The following ABR variants were observed in gnomAD, a reference collection of about 807,000 sequenced individuals.
ABR encodes active breakpoint cluster region-related protein.
ABR carries 35 observed loss-of-function variants against 107.2 expected under a neutral mutation model. The ratio of observed to expected loss-of-function variants is 0.33; its 90% CI spans 0.25 to 0.43. The LOEUF is 0.43. Ranked by LOEUF, ABR falls within the 20% of genes least tolerant of loss-of-function variation. ABR has a pLI of 1.00. For synonymous variants in ABR, 498 were observed against 462.0 expected (o/e 1.08, Z -1.00); for missense variants, 815 against 1,115.2 (o/e 0.73, Z 3.83).
At chr17:1,012,514 T>G (rs765657260) in intron 18 of ABR, 174 bp downstream of exon 18, 4 of 702,742 alleles carry the variant, frequency 5.7e-6, no homozygotes, top group South Asian at 4.5e-5. Context: ...TTCTGAAGTG[T>G]CCTGTGAGCG....
chr17:1,203,178 G>A (rs992262701), intron 1 of ABR, among the ~76,000 whole-genome samples: 4 of 152,082 alleles, frequency 2.6e-5, no homozygotes, highest in Non-Finnish European at 5.9e-5. Context: ...GAGCCATCGC[G>A]CCCAGCCCCA....
At chr17:1,184,387 G>A (rs2042227964), upstream of ABR, among the ~76,000 whole-genome samples, 1 of 148,288 alleles carries the variant, frequency 6.7e-6, no homozygotes, top group African/African-American at 2.5e-5. Flanking sequence ...CCTGGGAGGT[G>A]GAGCTTGCAG....
chr17:1,057,227 G>C (rs1037041861), intron 12 of ABR, 125 bp from the exon 13 acceptor site: 7 of 640,042 alleles, frequency 1.1e-5, no homozygotes, highest in South Asian at 1.0e-4. Context: ...TTGCGAGGGA[G>C]GGGGAAGGAT....
intron 4 of ABR, chr17:1,083,868 C>A (rs560464396): frequency 2.1e-6 from 1 of 474,416 alleles, no homozygotes; most frequent in African/African-American, 2.0e-5. Flanking sequence ...TTGGGGAGAC[C>A]AGGCTAGGGC....
At position 1,078,484 on chromosome 17, in the gene ABR, C is replaced by T. The variant is rs908577059; in HGVS notation, c.700+846G>A. Among the ~76,000 whole-genome samples the T allele has an allele frequency of 6.6e-6, 1 of 152,124 alleles. No homozygotes were observed. Among genetic ancestry groups the T allele is most frequent in the African/African-American group, 2.4e-5 (1 of 41,436 alleles). ...CCTCTCCCTGGCCTCAGGGCTACTA[C>T]GTCTGCGGGCACAGCTCGTCGCCGT... On this transcript the variant is annotated intron_variant, in intron 6 of 22. Coordinates refer to ENST00000302538, the MANE Select transcript of ABR (RefSeq NM_021962.5). The surrounding 1 kb of genome is among the most constrained non-coding windows in gnomAD (Gnocchi z 7.5).
intron 16 of ABR, among the ~76,000 whole-genome samples, chr17:1,041,239 C>A (rs920311990): frequency 6.6e-6 from 1 of 152,070 alleles, no homozygotes; most frequent in African/African-American, 2.4e-5. Flanking sequence ...GTTTTCTTTA[C>A]CAGACGGTGA....
intron 1 of ABR, among the ~76,000 whole-genome samples, chr17:1,147,058 T>C (rs144053597): frequency 1.8e-3 from 269 of 152,396 alleles, no homozygotes; most frequent in Middle Eastern, 3.4e-3. Context: ...CCGTACTGTC[T>C]GGCCACTTGG....
rs760780819 is a variant in ABR, at chr17:1,073,691, CA to C, written c.701-15del. 3 of 1,599,294 alleles carry C rather than the reference CA, an allele frequency of 1.9e-6. No homozygotes were observed. Among genetic ancestry groups the C allele is most frequent in the Non-Finnish European group, 2.6e-6 (3 of 1,171,148 alleles). ...TGTAGAGCAGAGCTGTCGGGGGAGA[CA>C]GGGAGAAGGAGGAAGAGGATGATGG... On this transcript the variant is annotated splice_polypyrimidine_tract_variant and intron_variant, in intron 6 of 22. Coordinates refer to ENST00000302538, the MANE Select transcript of ABR (RefSeq NM_021962.5).
At chr17:1,181,975 G>C (rs1003860003), upstream of ABR, 2 of 152,224 alleles carry the variant, frequency 1.3e-5, no homozygotes, top group African/African-American at 2.4e-5. Context: ...ATCTACAAAG[G>C]CTTGAACAAG....
At chr17:1,166,837 T>C (rs1451240005) in intron 1 of ABR, among the ~76,000 whole-genome samples, 1 of 152,066 alleles carries the variant, frequency 6.6e-6, no homozygotes, top group African/African-American at 2.4e-5. Flanking sequence ...CTGTCTCTAC[T>C]AAAAATACAG....
At position 1,174,670 on chromosome 17, in the gene ABR, G is replaced by A. The variant is rs187472550; in HGVS notation, c.61+4997C>T. 2.6e-4 allele frequency among the ~76,000 whole-genome samples: 40 copies of A among 152,326 alleles called. 1 individual carries two copies. The highest frequency in any genetic ancestry group is 8.9e-4 in the African/African-American group (37 of 41,582). ...AAGCAGGCTCTAGTAACAACAGATG[G>A]TCACGTTCTGCCTTCCATGACGGCC... On this transcript the variant is annotated intron_variant, in intron 1 of 22. Transcript: ENST00000302538.
At chr17:1,209,226 G>A (rs570608716) in intron 1 of ABR, among the ~76,000 whole-genome samples, 99 of 152,012 alleles carry the variant, frequency 6.5e-4, no homozygotes, top group African/African-American at 2.2e-3. Context: ...CTGCAGCTGC[G>A]TTGAAGTGGG....
In ABR at chr17:1,210,432, G is replaced by A. The variant is rs4246409; in HGVS notation, c.838+18361C>T. ...AGGTGTCACTCAGTTTCTCCATGCT[G>A]TTGTCCGCGTATCACTCAGCTTGTC... is the stretch of plus-strand genomic sequence containing the variant. On this transcript the variant is annotated intron_variant, in intron 1 of 22. Transcript: ENST00000574139. This position sits in a 1 kb window ranked among gnomAD's most constrained non-coding sequence, Gnocchi z 5.6. Among the ~76,000 whole-genome samples, 1,554 of 1,978 alleles carry A rather than the reference G, an allele frequency of 0.79. 656 individuals are homozygous for A. Among genetic ancestry groups the A allele is most frequent in the Middle Eastern group, 1 (6 of 6 alleles). 1.3% of individuals were successfully genotyped at this position (1,978 alleles called of 152,430 possible).
intron 21 of ABR, among the ~76,000 whole-genome samples, chr17:1,008,727 G>A (rs182243306): frequency 1.5e-4 from 23 of 152,320 alleles, no homozygotes; most frequent in Admixed American, 1.4e-3. Context: ...CTGGGGCTGA[G>A]CTCAGGGAAG....
chr17:1,152,686 C>T (rs1039867009), intron 1 of ABR, among the ~76,000 whole-genome samples: 3 of 152,164 alleles, frequency 2.0e-5, no homozygotes, highest in Admixed American at 6.5e-5. Context: ...CCTCCTTTCC[C>T]GTTGTAGGCA....
At chr17:1,128,203 C>G (rs907427158) in intron 1 of ABR, among the ~76,000 whole-genome samples, 1 of 152,180 alleles carries the variant, frequency 6.6e-6, no homozygotes, top group African/African-American at 2.4e-5. Context: ...AGACTCCAAC[C>G]AGGAAAAGGG....
chr17:1,068,707 G>A (rs1296218212), intron 9 of ABR, among the ~76,000 whole-genome samples: 1 of 152,082 alleles, frequency 6.6e-6, no homozygotes, highest in African/African-American at 2.4e-5. Context: ...CATCAGCTTG[G>A]GGTTCCAGTC....
intron 17 of ABR, 77 bp from the exon 18 acceptor site, chr17:1,012,874 C>CAAATGAGGGCTAG: frequency 1.5e-6 from 2 of 1,302,638 alleles, no homozygotes; most frequent in Non-Finnish European, 2.2e-6. Flanking sequence ...ACAGGGGTCC[C>CAAATGAGGGCTAG]CTCCCCAAGA....
rs1261297224 is a variant in ABR, at chr17:1,070,030, G to A, written c.955C>T (p.Arg319Trp). 1.9e-6 allele frequency: 3 copies of A among 1,613,114 alleles called. No individual in the cohort carries two copies. Among genetic ancestry groups the A allele is most frequent in the African/African-American group, 1.3e-5 (1 of 74,792 alleles). The change falls in exon 9 of 23, where the codon CGG becomes TGG. Residue 319 changes from arginine (R) to tryptophan (W), a missense_variant. Arg to Trp is a moderately radical substitution (Grantham distance 101, BLOSUM62 -3). This residue lies in a region of ABR where 385 missense variants were observed against 596.9 expected (regional missense o/e 0.64). Coordinates refer to ENST00000302538, the MANE Select transcript of ABR (RefSeq NM_021962.5). The surrounding 1 kb of genome is among the most constrained non-coding windows in gnomAD (Gnocchi z 4.2). ...ACATCTGTAAAGAGGAAGACGTGCCGCAGCTTCCGGGAGCTCTCTGACACT... is the reference window on the plus strand; with the variant it reads ...ACATCTGTAAAGAGGAAGACGTGCCACAGCTTCCGGGAGCTCTCTGACACT... The part of the protein sequence containing the change: ...VEVSESSRKL[R>W]HVFLFTDVLL...
Sources: gnomAD v4.1 joint callset for allele counts (sites outside exome capture counted in the v4.1 genomes callset) on GRCh38, gnomAD v4.1.1 for gene constraint, gnomAD v4.1.1 regional missense constraint, Gnocchi (gnomAD v3.1) non-coding constraint, MANE v1.5 for transcripts, NCBI Gene and HGNC (gene_info 2026-07-23, HGNC 2026-07-21) for gene names.